Variants in CSMD1 observed in about 807,000 individuals in gnomAD.
CSMD1 encodes the protein CUB and sushi domain-containing protein 1.
CSMD1 carries 213 observed loss-of-function variants against 417.5 expected under a neutral mutation model. That is an observed-to-expected ratio of 0.51 (90% CI 0.46 to 0.57). The LOEUF (loss-of-function observed/expected upper bound fraction) is 0.57. Ranked by LOEUF, CSMD1 falls within the 20% of genes least tolerant of loss-of-function variation. The pLI is 0.00. For missense variants in CSMD1, 6,923 were observed against 4,529.7 expected, an observed-to-expected ratio of 1.53 and a Z score of -15.17; for synonymous variants, 2,862 against 1,736.8, an observed-to-expected ratio of 1.65 and a Z score of -16.11.
intron 1 of CSMD1, among the ~76,000 whole-genome samples, chr8:4,656,239 G>A (rs538790859): frequency 6.6e-6 from 1 of 152,092 alleles, no homozygotes; most frequent in African/African-American, 2.4e-5. Flanking sequence ...CTTAGGTTAG[G>A]AGCCAGACTT....
chr8:4,135,915 T>A lies in CSMD1; in HGVS notation c.416-103816A>T, dbSNP rs139943461. Among the ~76,000 whole-genome samples, 370 of 152,326 alleles carry A rather than the reference T, an allele frequency of 2.4e-3. 2 individuals carry two copies. Among genetic ancestry groups the A allele is most frequent in the African/African-American group, 8.4e-3 (348 of 41,572 alleles). On this transcript the variant is annotated intron_variant, in intron 3 of 69. Coordinates refer to ENST00000635120, the MANE Select transcript of CSMD1 (RefSeq NM_033225.6). Reference sequence around the variant, plus strand: ...GATTTGGGATGTTTTATTTAGCATATGTTAGTTTTCCCTGGATTGGGCTTT... The same window carrying A: ...GATTTGGGATGTTTTATTTAGCATAAGTTAGTTTTCCCTGGATTGGGCTTT...
intron 3 of CSMD1, among the ~76,000 whole-genome samples, chr8:4,214,044 T>C (rs952928463): frequency 3.3e-5 from 5 of 152,108 alleles, no homozygotes; most frequent in South Asian, 2.1e-4. Context: ...AAAAGGAAAA[T>C]GCAAAATGAT....
rs915146328 is a variant in CSMD1, at chr8:3,835,286, C to T, written c.819-81244G>A. 2.2e-4 allele frequency among the ~76,000 whole-genome samples: 34 copies of T among 152,160 alleles called. 1 individual carries two copies. The highest frequency in any genetic ancestry group is 7.7e-4 in the African/African-American group (32 of 41,462). On this transcript the variant is annotated intron_variant, in intron 5 of 69. Coordinates refer to ENST00000635120, the MANE Select transcript of CSMD1 (RefSeq NM_033225.6). Reference sequence around the variant, plus strand: ...ATGCACACATATGTTTACTGCGGCACTATTCACAATAGCAAAGACTTGGAA... The same window carrying T: ...ATGCACACATATGTTTACTGCGGCATTATTCACAATAGCAAAGACTTGGAA...
At chr8:4,094,906 G>A (rs1702492707) in intron 3 of CSMD1, among the ~76,000 whole-genome samples, 1 of 152,168 alleles carries the variant, frequency 6.6e-6, no homozygotes, top group African/African-American at 2.4e-5. Context: ...AGAGGATACT[G>A]GAGAGACATG....
intron 5 of CSMD1, among the ~76,000 whole-genome samples, chr8:3,767,022 A>C (rs748859988): frequency 6.6e-6 from 1 of 152,138 alleles, no homozygotes; most frequent in Non-Finnish European, 1.5e-5. Flanking sequence ...AGATCATATG[A>C]GCTCTCATAA....
Position 3,343,460 on chromosome 8 carries a change from A to G in CSMD1, c.3475-10T>C. ...CTTTTCCATCATATACCTGATGAAAATTCACAGCATGAGTCCCTCTATGCC... is the reference window on the plus strand; with the variant it reads ...CTTTTCCATCATATACCTGATGAAAGTTCACAGCATGAGTCCCTCTATGCC... On this transcript the variant is annotated splice_polypyrimidine_tract_variant and intron_variant, in intron 22 of 69. Transcript: ENST00000635120. 1.9e-6 allele frequency: 3 copies of G among 1,610,716 alleles called. No homozygotes were observed. Among genetic ancestry groups the G allele is most frequent in the Non-Finnish European group, 2.5e-6 (3 of 1,177,480 alleles).
chr8:3,467,274 T>C (rs149425599), intron 12 of CSMD1, among the ~76,000 whole-genome samples: 1 of 152,338 alleles, frequency 6.6e-6, no homozygotes, highest in East Asian at 1.9e-4. Context: ...ATGATGTGTA[T>C]CTCAATGCTG....
At chr8:4,853,152 T>C (rs575723317) in intron 1 of CSMD1, among the ~76,000 whole-genome samples, 279 of 152,280 alleles carry the variant, frequency 1.8e-3, no homozygotes, top group Middle Eastern at 6.8e-3. Flanking sequence ...AGCAAACACT[T>C]TCTAGAGAGA....
intron 1 of CSMD1, among the ~76,000 whole-genome samples, chr8:4,792,816 C>T (rs943852475): frequency 2.6e-5 from 4 of 152,068 alleles, no homozygotes; most frequent in Non-Finnish European, 5.9e-5. Flanking sequence ...TTTAAAGTGA[C>T]CAAGTGTTTC....
At chr8:4,518,835 G>A (rs1803269463) in intron 2 of CSMD1, among the ~76,000 whole-genome samples, 2 of 151,942 alleles carry the variant, frequency 1.3e-5, no homozygotes, top group Non-Finnish European at 2.9e-5. Context: ...TAAATTATAG[G>A]AGATTATTCG....
intron 5 of CSMD1, among the ~76,000 whole-genome samples, chr8:3,768,801 G>A (rs1027691976): frequency 2.0e-5 from 3 of 152,166 alleles, no homozygotes; most frequent in Admixed American, 1.3e-4. Flanking sequence ...AAGTTTTGCT[G>A]GTAACTTGCT....
At chr8:4,293,035 T>A (rs1003110568) in intron 3 of CSMD1, among the ~76,000 whole-genome samples, 2 of 152,134 alleles carry the variant, frequency 1.3e-5, no homozygotes, top group Admixed American at 1.3e-4. Flanking sequence ...GGTTATGGCT[T>A]GAGAAGGGGC....
intron 2 of CSMD1, among the ~76,000 whole-genome samples, chr8:4,510,568 C>T (rs1472124406): frequency 1.3e-5 from 2 of 151,142 alleles, no homozygotes; most frequent in Non-Finnish European, 3.0e-5. Context: ...TCTTCCCTTC[C>T]CTCTTCCCTT....
intron 5 of CSMD1, among the ~76,000 whole-genome samples, chr8:3,840,622 T>C (rs758636423): frequency 1.1e-4 from 17 of 152,112 alleles, no homozygotes; most frequent in East Asian, 5.8e-4. Flanking sequence ...TTATGATATA[T>C]CTGTGTGTGT....
chr8:3,639,162 C>T (rs4523282), intron 7 of CSMD1, among the ~76,000 whole-genome samples: 71,309 of 152,002 alleles, frequency 0.47, 16,860 homozygotes, highest in Middle Eastern at 0.64. Context: ...CAGTAAAGGC[C>T]GCTCAATTCA....
chr8:4,188,979 T>C lies in CSMD1; in HGVS notation c.416-156880A>G, dbSNP rs1182920519. Among the ~76,000 whole-genome samples, 3 of 152,196 alleles carry C rather than the reference T, an allele frequency of 2.0e-5. No individual in the cohort carries two copies. In the East Asian group the frequency reaches 5.8e-4, roughly 29 times the overall value. ...GCCCTGTGTTGAGGGGACCCAGACCTAATGTTGGACTGTGATGTAAACAGA... is the reference window on the plus strand; with the variant it reads ...GCCCTGTGTTGAGGGGACCCAGACCCAATGTTGGACTGTGATGTAAACAGA... On this transcript the variant is annotated intron_variant, in intron 3 of 69. Coordinates refer to ENST00000635120, the MANE Select transcript of CSMD1 (RefSeq NM_033225.6).
At chr8:3,396,480 T>G (rs1345943489) in intron 16 of CSMD1, 99 bp from the exon 17 acceptor site, 1 of 764,368 alleles carries the variant, frequency 1.3e-6, no homozygotes, top group Admixed American at 3.3e-5. Context: ...CCCATGTACG[T>G]TAACATGAAG....
chr8:4,441,472 G>A (rs192682078), intron 2 of CSMD1, among the ~76,000 whole-genome samples: 2 of 151,744 alleles, frequency 1.3e-5, no homozygotes, highest in African/African-American at 2.4e-5. Flanking sequence ...TGTTTTATTA[G>A]GAGTTAGACA....
intron 2 of CSMD1, among the ~76,000 whole-genome samples, chr8:4,441,668 A>G (rs2129694741): frequency 6.6e-6 from 1 of 152,270 alleles, no homozygotes; most frequent in African/African-American, 2.4e-5. Flanking sequence ...ATTTTTTTCT[A>G]AAATATTTAC....
Sources: gnomAD v4.1 joint callset for allele counts (sites outside exome capture counted in the v4.1 genomes callset) on GRCh38, gnomAD v4.1.1 for gene constraint, MANE v1.5 for transcripts, NCBI Gene and HGNC (gene_info 2026-07-23, HGNC 2026-07-21) for gene names.